GPM6A: variants seen among roughly 807,000 people sequenced by gnomAD.
GPM6A encodes glycoprotein M6A.
A neutral mutation model predicts 32.1 loss-of-function variants in GPM6A; 7 were observed. The observed-to-expected ratio is 0.22, with a 90% confidence interval of 0.12 to 0.41. The LOEUF is 0.41. Among genes scored for constraint, GPM6A ranks in the 10% least tolerant of loss-of-function variants. The pLI, the probability that GPM6A is intolerant of heterozygous loss-of-function variation, is 1.00. For synonymous variants in GPM6A, 130 were observed against 123.4 expected, an observed-to-expected ratio of 1.05 and a Z score of -0.35; for missense variants, 235 against 347.2, an observed-to-expected ratio of 0.68 and a Z score of 2.57.
At chr4:175,653,913 G>A (rs1012613674) in intron 3 of GPM6A, among the ~76,000 whole-genome samples, 5 of 152,060 alleles carry the variant, frequency 3.3e-5, no homozygotes, top group Non-Finnish European at 5.9e-5. Flanking sequence ...TTTCTGGAAC[G>A]TGGAATGAAG....
intron 1 of GPM6A, among the ~76,000 whole-genome samples, chr4:175,996,989 T>G (rs990159495): frequency 6.6e-6 from 1 of 151,998 alleles, no homozygotes; most frequent in Non-Finnish European, 1.5e-5. Context: ...TGCTGCCTCT[T>G]GAAACCTAGC....
intron 1 of GPM6A, among the ~76,000 whole-genome samples, chr4:175,872,209 GC>G (rs1378481109): frequency 6.6e-6 from 1 of 152,076 alleles, no homozygotes; most frequent in Non-Finnish European, 1.5e-5. Context: ...TCAGGGTGTG[GC>G]TCATGCCTTT....
chr4:175,715,244 G>C (rs1745779354), intron 1 of GPM6A, among the ~76,000 whole-genome samples: 1 of 152,126 alleles, frequency 6.6e-6, no homozygotes, highest in Admixed American at 6.6e-5. Flanking sequence ...ATTTATTGCT[G>C]CCTCACAAGC....
At chr4:175,752,289 A>G (rs1426165236) in intron 1 of GPM6A, among the ~76,000 whole-genome samples, 1 of 152,124 alleles carries the variant, frequency 6.6e-6, no homozygotes, top group African/African-American at 2.4e-5. Context: ...GGAGCTCTTT[A>G]GTGTCCTTTT....
At chr4:175,641,081 G>A (rs1054286765) in intron 4 of GPM6A, 4 of 454,562 alleles carry the variant, frequency 8.8e-6, no homozygotes, top group Non-Finnish European at 1.6e-5. Flanking sequence ...CTCACCACCA[G>A]AATTTCCAGA....
intron 1 of GPM6A, among the ~76,000 whole-genome samples, chr4:175,887,206 G>A (rs1275407728): frequency 6.6e-6 from 1 of 151,874 alleles, no homozygotes; most frequent in Non-Finnish European, 1.5e-5. Flanking sequence ...AGTCACAACA[G>A]CTGCCAAAAA....
At chr4:175,850,601 G>A (rs1736223374) in intron 1 of GPM6A, among the ~76,000 whole-genome samples, 1 of 151,984 alleles carries the variant, frequency 6.6e-6, no homozygotes, top group Admixed American at 6.6e-5. Context: ...ATGCCTGACA[G>A]CAAAAATAGT....
chr4:175,992,971 G>C (rs1741196372), intron 1 of GPM6A, among the ~76,000 whole-genome samples: 1 of 152,062 alleles, frequency 6.6e-6, no homozygotes, highest in Admixed American at 6.5e-5. Context: ...TCATTTTGTA[G>C]TAACTTGCTG....
intron 6 of GPM6A, among the ~76,000 whole-genome samples, chr4:175,638,270 G>A (rs1165413542): frequency 6.6e-6 from 1 of 151,716 alleles, no homozygotes; most frequent in African/African-American, 2.4e-5. Flanking sequence ...AGCAGCATTA[G>A]TACCAGGAAC....
intron 1 of GPM6A, among the ~76,000 whole-genome samples, chr4:175,880,714 T>C (rs887003645): frequency 6.6e-6 from 1 of 152,206 alleles, no homozygotes; most frequent in African/African-American, 2.4e-5. Flanking sequence ...ATAAGACTGC[T>C]TGTGATTTTT....
intron 1 of GPM6A, among the ~76,000 whole-genome samples, chr4:175,795,653 A>AGG (rs1024435148): frequency 1.3e-5 from 2 of 152,166 alleles, no homozygotes; most frequent in African/African-American, 4.8e-5. Flanking sequence ...GAGGAGGCAG[A>AGG]GGTGGGAGGA....
chr4:175,751,243 T>C (rs1732324647), intron 1 of GPM6A, among the ~76,000 whole-genome samples: 1 of 152,036 alleles, frequency 6.6e-6, no homozygotes. Flanking sequence ...ACATGAAATA[T>C]CATAAAATAT....
At chr4:175,787,784 A>G (rs1733858278) in intron 1 of GPM6A, 1 of 205,308 alleles carries the variant, frequency 4.9e-6, no homozygotes, top group African/African-American at 2.4e-5. Context: ...TTTACCTTAC[A>G]GAATATAGGC....
chr4:175,901,655 T>C (rs1415433898), intron 1 of GPM6A, among the ~76,000 whole-genome samples: 86 of 148,876 alleles, frequency 5.8e-4, no homozygotes, highest in African/African-American at 2.0e-3. Context: ...TTTTTTTTTT[T>C]TGGACAAAGT....
In GPM6A at chr4:175,717,064, T is replaced by A. The variant is rs574218188; in HGVS notation, c.38-15297A>T. On this transcript the variant is annotated intron_variant, in intron 1 of 6. Transcript: ENST00000393658. ...CCTTTACATTAACTTACCATTATAC[T>A]TTCCACACACTCCTTCTACTCTAGG... is the stretch of plus-strand genomic sequence containing the variant. Among the ~76,000 whole-genome samples, 14 of 152,272 alleles carry A rather than the reference T, an allele frequency of 9.2e-5. No individual in the cohort carries two copies. The South Asian group carries it at 2.9e-3, about 32-fold the overall frequency.
chr4:175,870,772 G>A (rs1385433262), intron 1 of GPM6A, among the ~76,000 whole-genome samples: 1 of 152,054 alleles, frequency 6.6e-6, no homozygotes, highest in Non-Finnish European at 1.5e-5. Flanking sequence ...AGCTAAGTTG[G>A]GAGCCTGTTT....
chr4:175,976,328 A>ATTTTTTTTTTTTTTTTTTTT (rs34163669), intron 1 of GPM6A, among the ~76,000 whole-genome samples: 48 of 137,298 alleles, frequency 3.5e-4, no homozygotes, highest in East Asian at 8.4e-4. Flanking sequence ...CGCCTGGCTA[A>ATTTTTTTTTTTTTTTTTTTT]TTTTTTTTTT....
chr4:175,679,087 G>C (rs1390640041), intron 2 of GPM6A, among the ~76,000 whole-genome samples: 5 of 152,042 alleles, frequency 3.3e-5, no homozygotes, highest in Non-Finnish European at 7.4e-5. Flanking sequence ...AACTTTGTGG[G>C]ATTTCTTTCT....
intron 5 of GPM6A, among the ~76,000 whole-genome samples, chr4:175,640,483 C>G (rs192440790): frequency 4.5e-4 from 68 of 152,226 alleles, no homozygotes; most frequent in Non-Finnish European, 6.8e-4. Flanking sequence ...GGGCTATGCT[C>G]TCTTTAAAAA....
Sources: allele counts gnomAD v4.1 joint callset (sites outside exome capture counted in the v4.1 genomes callset), GRCh38; gene constraint gnomAD v4.1.1; transcripts MANE v1.5; gene names NCBI Gene and HGNC (gene_info 2026-07-23, HGNC 2026-07-21).